Variants in RAB38 observed in about 807,000 individuals in gnomAD.
The protein encoded by RAB38 is RAB38, member RAS oncogene family.
Under a neutral mutation model 18.4 loss-of-function variants are expected in RAB38, and 15 were observed. The observed-to-expected ratio is 0.82, with a 90% confidence interval of 0.55 to 1.26. RAB38 has a LOEUF of 1.26. Ranked by LOEUF, RAB38 falls within the 50% of genes most tolerant of loss-of-function variation. RAB38 has a pLI of 0.00. For synonymous variants in RAB38, 101 were observed against 104.4 expected, an observed-to-expected ratio of 0.97 and a Z score of 0.20; for missense variants, 294 against 267.4, an observed-to-expected ratio of 1.10 and a Z score of -0.69.
the RAB38 span, among the ~76,000 whole-genome samples, chr11:87,935,276 T>C: frequency 6.6e-6 from 1 of 152,146 alleles, no homozygotes. Context: ...CCTGATCCTT[T>C]GATTTTGAAC....
chr11:88,175,211 C>G lies in RAB38; in HGVS notation c.174G>C (p.Val58=). 1 of 1,613,118 alleles carries G rather than the reference C, an allele frequency of 6.2e-7. No homozygotes were observed. ...CGATATCCCAGAGCTGCAGGCGCAC[C>G]ACAGTCTCCGGGTCCCAGTGGAGCA... is the stretch of plus-strand genomic sequence containing the variant. The part of the protein sequence containing the change: ...LKVLHWDPET[V]VRLQLWDIAG... Residue 58 remains valine (V), a synonymous_variant, in exon 1 of 3, where the codon GTG becomes GTC. Coordinates refer to ENST00000243662, the MANE Select transcript of RAB38 (RefSeq NM_022337.3).
At chr11:88,046,425 C>A in the RAB38 span, among the ~76,000 whole-genome samples, 1 of 152,162 alleles carries the variant, frequency 6.6e-6, no homozygotes, top group South Asian at 2.1e-4. Context: ...TTATTCTGTT[C>A]TGGATCTCAA....
At chr11:88,170,870 A>AG (rs34550281) in intron 1 of RAB38, among the ~76,000 whole-genome samples, 110,197 of 152,004 alleles carry the variant, frequency 0.72, 40,489 homozygotes, top group Middle Eastern at 0.81. Flanking sequence ...ATAAAACTGG[A>AG]TTGGGTTTTT....
the RAB38 span, among the ~76,000 whole-genome samples, chr11:87,901,367 T>TA: frequency 3.3e-5 from 5 of 151,732 alleles, no homozygotes; most frequent in Non-Finnish European, 4.4e-5. Context: ...ACTGACTCCA[T>TA]AAAAAATCAC....
chr11:87,976,649 T>G, the RAB38 span, among the ~76,000 whole-genome samples: 1 of 107,846 alleles, frequency 9.3e-6, no homozygotes, highest in Non-Finnish European at 1.7e-5. Flanking sequence ...TTATATGATA[T>G]ATAAATATAT....
the RAB38 span, among the ~76,000 whole-genome samples, chr11:87,967,465 T>C: frequency 6.6e-6 from 1 of 152,150 alleles, no homozygotes; most frequent in Non-Finnish European, 1.5e-5. Flanking sequence ...TTTTAAAATA[T>C]CTTCATGAAA....
At chr11:87,951,124 A>C in the RAB38 span, among the ~76,000 whole-genome samples, 1 of 151,480 alleles carries the variant, frequency 6.6e-6, no homozygotes, top group South Asian at 2.1e-4. Context: ...TTCTTGCTTC[A>C]TTTCATTCAT....
rs1943105219 is a variant in RAB38, at chr11:88,154,774, C to T, written c.203-4819G>A. Among the ~76,000 whole-genome samples the T allele has an allele frequency of 1.3e-5, 2 of 152,194 alleles. 1 individual carries two copies. The highest frequency in any genetic ancestry group is 4.1e-4 in the South Asian group (2 of 4,832). On this transcript the variant is annotated intron_variant, in intron 1 of 2. Transcript: ENST00000243662. ...CTGGGAGGCTAACTCTGTTTCACAC[C>T]AGGGCAGATCTCTGGGCATTCAAAG...
chr11:87,977,631 T>C, the RAB38 span, among the ~76,000 whole-genome samples: 670 of 118,268 alleles, frequency 5.7e-3, 4 homozygotes, highest in Middle Eastern at 0.012. Flanking sequence ...TAATTGTATA[T>C]TATATAATTA....
the RAB38 span, among the ~76,000 whole-genome samples, chr11:87,926,997 T>C: frequency 6.6e-6 from 1 of 152,030 alleles, no homozygotes; most frequent in Non-Finnish European, 1.5e-5. Context: ...CATGATGACA[T>C]GTGGACTTGC....
intron 1 of RAB38, among the ~76,000 whole-genome samples, chr11:88,150,361 G>A (rs984219062): frequency 1.3e-5 from 2 of 152,138 alleles, no homozygotes; most frequent in African/African-American, 4.8e-5. Flanking sequence ...ATTAGACTAT[G>A]CCAATAATGA....
Position 88,127,312 on chromosome 11 carries a change from C to A in RAB38, c.484-13172G>T, listed in dbSNP as rs561965145. On this transcript the variant is annotated intron_variant, in intron 2 of 2. Coordinates refer to ENST00000243662, the MANE Select transcript of RAB38 (RefSeq NM_022337.3). ...CAATTATGTGTGAATGGAAATAAGG[C>A]AGATTCAAGTTGGGATGGGAGAACA... Among the ~76,000 whole-genome samples the A allele has an allele frequency of 1.1e-3, 162 of 152,258 alleles. 1 individual carries two copies. Among genetic ancestry groups the A allele is most frequent in the African/African-American group, 3.7e-3 (155 of 41,532 alleles).
chr11:87,807,418 C>T, the RAB38 span, among the ~76,000 whole-genome samples: 1 of 152,184 alleles, frequency 6.6e-6, no homozygotes. Flanking sequence ...TTTGACAGGC[C>T]TATGGCTTTG....
intron 1 of RAB38, among the ~76,000 whole-genome samples, chr11:88,150,742 A>G (rs1307506112): frequency 1.3e-5 from 2 of 152,174 alleles, no homozygotes; most frequent in Non-Finnish European, 2.9e-5. Flanking sequence ...CATAATTCAA[A>G]CCTGAGCTGT....
At chr11:87,935,808 T>A in the RAB38 span, among the ~76,000 whole-genome samples, 3 of 152,138 alleles carry the variant, frequency 2.0e-5, no homozygotes, top group Admixed American at 6.6e-5. Flanking sequence ...TTTTGTCATT[T>A]GAAGAATGAT....
the RAB38 span, among the ~76,000 whole-genome samples, chr11:88,082,205 C>T: frequency 6.6e-6 from 1 of 151,654 alleles, no homozygotes; most frequent in Non-Finnish European, 1.5e-5. Context: ...TGCCAATGTT[C>T]ATAATAGTTT....
the RAB38 span, among the ~76,000 whole-genome samples, chr11:87,873,459 G>T: frequency 6.6e-6 from 1 of 151,416 alleles, no homozygotes; most frequent in African/African-American, 2.4e-5. Context: ...TTAGTGATGA[G>T]GTTCAACTTA....
chr11:88,101,747 A>G, the RAB38 span, among the ~76,000 whole-genome samples: 1 of 151,720 alleles, frequency 6.6e-6, no homozygotes, highest in Non-Finnish European at 1.5e-5. Flanking sequence ...GTTGATAATA[A>G]TATTATCAAC....
chr11:87,924,745 G>A, the RAB38 span, among the ~76,000 whole-genome samples: 10 of 151,958 alleles, frequency 6.6e-5, no homozygotes, highest in Non-Finnish European at 1.0e-4. Context: ...TTGAGAAGAC[G>A]AAGGGTTCAC....
Sources: allele counts gnomAD v4.1 joint callset (sites outside exome capture counted in the v4.1 genomes callset), GRCh38; gene constraint gnomAD v4.1.1; transcripts MANE v1.5; gene names NCBI Gene and HGNC (gene_info 2026-07-23, HGNC 2026-07-21).